The following VMP1 variants were observed in gnomAD, a reference collection of about 807,000 sequenced individuals.
VMP1 encodes ectopic P-granules autophagy protein 3 homolog.
A neutral mutation model predicts 56.0 loss-of-function variants in VMP1; 11 were observed. The ratio of observed to expected loss-of-function variants is 0.20; its 90% CI spans 0.12 to 0.32. The LOEUF is 0.32. Among genes scored for constraint, VMP1 ranks in the 10% least tolerant of loss-of-function variants. The pLI, the probability that VMP1 is intolerant of heterozygous loss-of-function variation, is 1.00. For synonymous variants in VMP1, 149 were observed against 165.0 expected, an observed-to-expected ratio of 0.90 and a Z score of 0.74; for missense variants, 296 against 490.3, an observed-to-expected ratio of 0.60 and a Z score of 3.74.
intron 5 of VMP1, among the ~76,000 whole-genome samples, chr17:59,759,458 T>G (rs2035963630): frequency 1.3e-5 from 2 of 152,246 alleles, no homozygotes; most frequent in South Asian, 4.1e-4. Flanking sequence ...TTATGTATTT[T>G]CACACTCTGT....
At chr17:59,789,159 A>G (rs1244388396) in intron 7 of VMP1, among the ~76,000 whole-genome samples, 3 of 147,948 alleles carry the variant, frequency 2.0e-5, no homozygotes, top group Non-Finnish European at 4.5e-5. Flanking sequence ...GCGTGGTGGC[A>G]CGCACCTGTA....
rs1339136084 is a variant in VMP1, at chr17:59,793,020, C to CT, written c.715-15766dup. ...GGGCCAAATAGTAACACCTCCATCT[C>CT]TTTTTTTTTTGAGGCGAGTTTTGCT... On this transcript the variant is annotated intron_variant, in intron 7 of 11. Transcript: ENST00000262291. Among the ~76,000 whole-genome samples, 23 of 103,306 alleles carry CT rather than the reference C, an allele frequency of 2.2e-4. 2 individuals carry two copies. Among genetic ancestry groups the CT allele is most frequent in the Admixed American group, 5.2e-4 (5 of 9,672 alleles). The allele number at this position is 103,306 out of a possible 152,430, so 67.8% of individuals were successfully genotyped here.
intron 10 of VMP1, among the ~76,000 whole-genome samples, chr17:59,830,202 C>T (rs540127744): frequency 6.6e-6 from 1 of 152,108 alleles, no homozygotes; most frequent in South Asian, 2.1e-4. Context: ...CCTCCCACCT[C>T]CTGTCGCATG....
chr17:59,794,995 C>CTTTTTTTTTT, intron 7 of VMP1, among the ~76,000 whole-genome samples: 1 of 121,220 alleles, frequency 8.2e-6, no homozygotes, highest in Non-Finnish European at 1.6e-5. Flanking sequence ...CAGATTTGAT[C>CTTTTTTTTTT]TTTTTTTTTT....
At chr17:59,771,880 C>T (rs1048338707) in intron 6 of VMP1, among the ~76,000 whole-genome samples, 2 of 151,868 alleles carry the variant, frequency 1.3e-5, no homozygotes, top group Admixed American at 6.6e-5. Context: ...GACGTCTGAC[C>T]AACTTTTCTT....
chr17:59,803,605 G>T (rs1421371344), intron 7 of VMP1, among the ~76,000 whole-genome samples: 1 of 152,214 alleles, frequency 6.6e-6, no homozygotes, highest in Non-Finnish European at 1.5e-5. Flanking sequence ...ATAGGTAAAA[G>T]TTGTGAAATG....
intron 5 of VMP1, among the ~76,000 whole-genome samples, chr17:59,756,285 G>A (rs997791110): frequency 1.3e-5 from 2 of 152,148 alleles, no homozygotes; most frequent in African/African-American, 4.8e-5. Flanking sequence ...GAAAACAAAG[G>A]TTTTGCAAGT....
intron 10 of VMP1, among the ~76,000 whole-genome samples, chr17:59,822,392 G>T (rs564522048): frequency 3.5e-4 from 51 of 145,574 alleles, no homozygotes; most frequent in Non-Finnish European, 6.0e-4. Flanking sequence ...GCAGTGGTGT[G>T]ATCTCAGCTT....
intron 1 of VMP1, among the ~76,000 whole-genome samples, chr17:59,727,424 A>T (rs2034652265): frequency 6.6e-6 from 1 of 152,126 alleles, no homozygotes; most frequent in Admixed American, 6.6e-5. Context: ...GTGAGCCATC[A>T]TGCCTGGCCC....
chr17:59,745,614 G>A (rs2035395013), intron 5 of VMP1, among the ~76,000 whole-genome samples: 1 of 152,116 alleles, frequency 6.6e-6, no homozygotes, highest in Non-Finnish European at 1.5e-5. Flanking sequence ...TGTAGGAAAT[G>A]CAGTTGTGTT....
At chr17:59,725,665 G>A (rs1190650868) in intron 1 of VMP1, among the ~76,000 whole-genome samples, 2 of 152,096 alleles carry the variant, frequency 1.3e-5, no homozygotes, top group African/African-American at 4.8e-5. Flanking sequence ...TGGCAAGAAG[G>A]TTTTGAAAAG....
intron 7 of VMP1, among the ~76,000 whole-genome samples, chr17:59,783,817 A>G (rs927268209): frequency 6.6e-6 from 1 of 152,098 alleles, no homozygotes; most frequent in African/African-American, 2.4e-5. Flanking sequence ...GCAGCTTGCT[A>G]GTAGGTCTAC....
chr17:59,743,742 C>T (rs747968186), intron 5 of VMP1, among the ~76,000 whole-genome samples: 47 of 151,820 alleles, frequency 3.1e-4, no homozygotes, highest in South Asian at 8.3e-4. Flanking sequence ...AGGTTGTTTA[C>T]TAACCTTATA....
intron 5 of VMP1, among the ~76,000 whole-genome samples, chr17:59,760,733 G>GCCT (rs1340311034): frequency 3.3e-5 from 5 of 152,112 alleles, no homozygotes; most frequent in African/African-American, 1.2e-4. Flanking sequence ...CCATTCCCCT[G>GCCT]CCTCAGCCTC....
rs937648062 is a variant in VMP1 at position 59,731,347 on chromosome 17, A to T, written c.-26-74A>T. On this transcript the variant is annotated intron_variant, in intron 1 of 11. Transcript: ENST00000262291. ...CTTATTACTGTGATGTTATTCCTGT[A>T]TTCAGTTTTATTCAGTCACAGCTAC... is the stretch of plus-strand genomic sequence containing the variant. The T allele has an allele frequency of 6.1e-6, 5 of 821,314 alleles. No homozygotes were observed. In the Admixed American group the frequency reaches 1.5e-4, roughly 25 times the overall value. The allele number at this position is 821,314 out of a possible 1,614,324, so 50.9% of individuals were successfully genotyped here.
intron 7 of VMP1, among the ~76,000 whole-genome samples, chr17:59,787,628 C>T (rs2037049925): frequency 1.3e-5 from 2 of 151,978 alleles, no homozygotes; most frequent in Non-Finnish European, 2.9e-5. Flanking sequence ...TTGAGACCAG[C>T]TTGGCCAACA....
At chr17:59,757,859 C>CTTTTTTTTTTTATTTTTTTTTTTTTTTT (rs2035902086) in intron 5 of VMP1, among the ~76,000 whole-genome samples, 1 of 91,254 alleles carries the variant, frequency 1.1e-5, no homozygotes, top group African/African-American at 4.2e-5. Flanking sequence ...TTATTTGCCA[C>CTTTTTTTTTTTATTTTTTTTTTTTTTTT]TTTTTTTTTT....
chr17:59,728,744 A>T (rs1411713572), intron 1 of VMP1, among the ~76,000 whole-genome samples: 1 of 152,160 alleles, frequency 6.6e-6, no homozygotes, highest in Admixed American at 6.5e-5. Flanking sequence ...TATTCATAAC[A>T]TATATTTCCT....
chr17:59,718,910 T>G (rs2034280556), intron 1 of VMP1, among the ~76,000 whole-genome samples: 1 of 152,034 alleles, frequency 6.6e-6, no homozygotes, highest in Non-Finnish European at 1.5e-5. Context: ...TATTATGAAT[T>G]TTCAGAGTAC....
Sources: gnomAD v4.1 joint callset for allele counts (sites outside exome capture counted in the v4.1 genomes callset) on GRCh38, gnomAD v4.1.1 for gene constraint, MANE v1.5 for transcripts, NCBI Gene and HGNC (gene_info 2026-07-23, HGNC 2026-07-21) for gene names.